The following DNER variants were observed in gnomAD, a reference collection of about 807,000 sequenced individuals.
DNER encodes delta and Notch-like epidermal growth factor-related receptor.
A neutral mutation model predicts 78.2 loss-of-function variants in DNER; 33 were observed. The ratio of observed to expected loss-of-function variants is 0.42; its 90% CI spans 0.32 to 0.56. The LOEUF is 0.56. DNER is among the 20% of genes least tolerant of loss of function. The pLI, the probability that DNER is intolerant of heterozygous loss-of-function variation, is 0.11. For synonymous variants in DNER, 417 were observed against 384.8 expected (o/e 1.08, Z -0.98); for missense variants, 918 against 975.3 (o/e 0.94, Z 0.78).
intron 9 of DNER, among the ~76,000 whole-genome samples, chr2:229,415,092 G>T (rs1693616159): frequency 6.6e-6 from 1 of 151,530 alleles, no homozygotes; most frequent in Admixed American, 6.6e-5. Flanking sequence ...AACCCAGGAG[G>T]TGGAGGTTGG....
intron 4 of DNER, among the ~76,000 whole-genome samples, chr2:229,573,939 T>C (rs1053857822): frequency 1.3e-5 from 2 of 152,214 alleles, no homozygotes; most frequent in Non-Finnish European, 2.9e-5. Context: ...ACCACTTAAA[T>C]ATCTTCTGCT....
intron 1 of DNER, among the ~76,000 whole-genome samples, chr2:229,599,577 A>G (rs1013233847): frequency 2.0e-5 from 3 of 152,194 alleles, no homozygotes; most frequent in Admixed American, 6.5e-5. Flanking sequence ...CTGGGGAAAG[A>G]TCATCTCTGA....
At position 229,407,345 on chromosome 2, in the gene DNER, C is replaced by T. The variant is rs751433123; in HGVS notation, c.1610G>A (p.Gly537Glu). The T allele has an allele frequency of 5.6e-6, 9 of 1,611,480 alleles. No individual in the cohort carries two copies. In the South Asian group the frequency reaches 8.8e-5, roughly 16 times the overall value. Residue 537 changes from glycine (G) to glutamate (E), a missense_variant and splice_region_variant, in exon 10 of 13, where the codon GGA becomes GAA. Coordinates refer to ENST00000341772, the MANE Select transcript of DNER (RefSeq NM_139072.4). ...ATCCTTGTACAATTCACAGTGTGTTCCTGCAGAGAAACAAGCAAAACAGGA... is the reference window on the plus strand; with the variant it reads ...ATCCTTGTACAATTCACAGTGTGTTTCTGCAGAGAAACAAGCAAAACAGGA... ...YECVCLAEYK[G>E]THCELYKDPC... is the part of the protein sequence containing the mutation.
At chr2:229,370,406 C>T (rs151017007) in intron 11 of DNER, among the ~76,000 whole-genome samples, 31 of 152,312 alleles carry the variant, frequency 2.0e-4, no homozygotes, top group Non-Finnish European at 3.4e-4. Flanking sequence ...ATAAGGCCCA[C>T]GGAGCTTAGT....
chr2:229,364,422 G>A (rs1291675700), intron 12 of DNER, among the ~76,000 whole-genome samples: 2 of 152,156 alleles, frequency 1.3e-5, no homozygotes, highest in Non-Finnish European at 2.9e-5. Context: ...CAGGGTAGTG[G>A]CATAAAGAGT....
chr2:229,510,037 C>T (rs1302008797), intron 6 of DNER, among the ~76,000 whole-genome samples: 2 of 151,884 alleles, frequency 1.3e-5, no homozygotes, highest in African/African-American at 4.8e-5. Flanking sequence ...GGAGTAGTTA[C>T]CCAAGCAAAA....
At chr2:229,708,618 T>G (rs1699864111) in intron 1 of DNER, among the ~76,000 whole-genome samples, 1 of 152,228 alleles carries the variant, frequency 6.6e-6, no homozygotes, top group Non-Finnish European at 1.5e-5. Context: ...GCATTCAGCT[T>G]TCTGACTCAA....
intron 10 of DNER, among the ~76,000 whole-genome samples, chr2:229,394,869 C>G (rs1307199385): frequency 6.6e-6 from 1 of 152,172 alleles, no homozygotes; most frequent in Non-Finnish European, 1.5e-5. Context: ...GTTCTCTCTC[C>G]GTAAAACTTC....
In DNER at chr2:229,546,966, C is replaced by T. The variant is rs1696641202; in HGVS notation, c.974G>A (p.Cys325Tyr). The change falls in exon 5 of 13, where the codon TGC becomes TAC. Residue 325 changes from cysteine (C) to tyrosine (Y), a missense_variant. Transcript: ENST00000341772. ...CCTTACCTCTGACGGCTTCGTGGTG[C>T]ATTTTCCTTTTCCTGAACACTCCAA... ...NDLECSGKGK[C>Y]TTKPSEATFS... 1.2e-6 allele frequency: 2 copies of T among 1,614,164 alleles called. No individual in the cohort carries two copies. The highest frequency in any genetic ancestry group is 4.5e-5 in the East Asian group (2 of 44,884).
intron 10 of DNER, among the ~76,000 whole-genome samples, chr2:229,403,752 AG>A (rs1693320828): frequency 6.6e-6 from 1 of 151,900 alleles, no homozygotes; most frequent in South Asian, 2.1e-4. Context: ...TGGTGGGTGT[AG>A]GGGTAAAGGG....
chr2:229,477,020 T>A, intron 7 of DNER, 120 bp downstream of exon 7: 1 of 751,638 alleles, frequency 1.3e-6, no homozygotes, highest in Non-Finnish European at 2.1e-6. Flanking sequence ...GTTTTATAAA[T>A]CAAACAAAAC....
intron 5 of DNER, among the ~76,000 whole-genome samples, chr2:229,527,505 C>T (rs1469421581): frequency 6.6e-6 from 1 of 152,100 alleles, no homozygotes; most frequent in Non-Finnish European, 1.5e-5. Context: ...GAAAGCCATG[C>T]CTTTATTATA....
rs569704009 is a variant in DNER, at chr2:229,651,232, C to G, written c.277-59344G>C. 2.6e-5 allele frequency among the ~76,000 whole-genome samples: 4 copies of G among 152,322 alleles called. No homozygotes were observed. The South Asian group carries it at 8.3e-4, about 32-fold the overall frequency. ...TTCATCTTCATTTCAGCAAGCTGCCCTGCCGCTTCCAATTAATTCCTTTCT... is the reference window on the plus strand; with the variant it reads ...TTCATCTTCATTTCAGCAAGCTGCCGTGCCGCTTCCAATTAATTCCTTTCT... On this transcript the variant is annotated intron_variant, in intron 1 of 12. Coordinates refer to ENST00000341772, the MANE Select transcript of DNER (RefSeq NM_139072.4).
At chr2:229,565,537 A>G (rs1697088856) in intron 4 of DNER, among the ~76,000 whole-genome samples, 2 of 152,210 alleles carry the variant, frequency 1.3e-5, no homozygotes, top group Admixed American at 1.3e-4. Flanking sequence ...TTTAAAAAGT[A>G]TAACCAGAAA....
At chr2:229,471,355 GA>G (rs5839333) in intron 7 of DNER, among the ~76,000 whole-genome samples, 89,432 of 150,938 alleles carry the variant, frequency 0.59, 29,088 homozygotes, top group East Asian at 0.74. Context: ...GCTATAAAAT[GA>G]AAAAAAAAAA....
At chr2:229,690,479 G>GC (rs1699551601) in intron 1 of DNER, among the ~76,000 whole-genome samples, 2 of 152,174 alleles carry the variant, frequency 1.3e-5, no homozygotes, top group South Asian at 4.1e-4. Context: ...ACCTTGCTAT[G>GC]CCCAATGCCA....
chr2:229,533,400 C>T (rs1171985211), intron 5 of DNER, among the ~76,000 whole-genome samples: 2 of 152,128 alleles, frequency 1.3e-5, no homozygotes, highest in African/African-American at 4.8e-5. Flanking sequence ...CTGATACCTC[C>T]GTAAGAGGCA....
At chr2:229,647,580 T>A (rs571022300) in intron 1 of DNER, among the ~76,000 whole-genome samples, 34 of 152,366 alleles carry the variant, frequency 2.2e-4, no homozygotes, top group African/African-American at 7.9e-4. Context: ...TTCAGAAATG[T>A]GCACAAAGGT....
At chr2:229,567,584 G>A (rs1271885621) in intron 4 of DNER, among the ~76,000 whole-genome samples, 1 of 152,166 alleles carries the variant, frequency 6.6e-6, no homozygotes, top group African/African-American at 2.4e-5. Context: ...CCCTGACCAT[G>A]GAGCAAAGTA....
Sources: gnomAD v4.1 joint callset for allele counts (sites outside exome capture counted in the v4.1 genomes callset) on GRCh38, gnomAD v4.1.1 for gene constraint, MANE v1.5 for transcripts, NCBI Gene and HGNC (gene_info 2026-07-23, HGNC 2026-07-21) for gene names.